OCA2: variants seen among roughly 807,000 people sequenced by gnomAD.
The protein encoded by OCA2 is OCA2 melanosomal transmembrane protein, also known as P protein.
A neutral mutation model predicts 100.2 loss-of-function variants in OCA2; 77 were observed. That is an observed-to-expected ratio of 0.77 (90% CI 0.64 to 0.93). OCA2 has a LOEUF of 0.93. OCA2 is among the 40% of genes least tolerant of loss of function. OCA2 has a pLI of 0.00. For synonymous variants in OCA2, 432 were observed against 439.2 expected, an observed-to-expected ratio of 0.98 and a Z score of 0.21; for missense variants, 1,062 against 1,089.1, an observed-to-expected ratio of 0.98 and a Z score of 0.35.
At chr15:27,896,176 C>T (rs2037680143) in intron 19 of OCA2, 2 of 919,040 alleles carry the variant, frequency 2.2e-6, no homozygotes, top group Non-Finnish European at 3.6e-6. Context: ...GTTTTTGGTG[C>T]CCTGAAGAGA....
At chr15:27,917,982 G>C (rs775670126) in intron 19 of OCA2, among the ~76,000 whole-genome samples, 1 of 151,692 alleles carries the variant, frequency 6.6e-6, no homozygotes, top group Non-Finnish European at 1.5e-5. Flanking sequence ...CCATATTTTA[G>C]ACTACTTAAG....
At chr15:28,046,213 A>G (rs2043343092) in intron 2 of OCA2, among the ~76,000 whole-genome samples, 1 of 152,186 alleles carries the variant, frequency 6.6e-6, no homozygotes, top group Non-Finnish European at 1.5e-5. Context: ...CAGTCAGGAT[A>G]CCAGAAGGAA....
At position 27,953,785 on chromosome 15, in the gene OCA2, G is replaced by A. The variant is rs1206657569; in HGVS notation, c.1842+1373C>T. ...CTTTTTCTTATTTCAATAGGTTTCA[G>A]GAAGACAGGTGATGTTTGGTTATAT... On this transcript the variant is annotated intron_variant, in intron 17 of 23. Transcript: ENST00000354638. Among the ~76,000 whole-genome samples the A allele has an allele frequency of 2.0e-5, 3 of 151,498 alleles. No homozygotes were observed. In the South Asian group the frequency reaches 6.3e-4, roughly 32 times the overall value.
In OCA2 at chr15:27,871,844, A is replaced by T. The variant is rs1432068214; in HGVS notation, c.2139+19T>A. 5.3e-6 allele frequency: 8 copies of T among 1,519,572 alleles called. No homozygotes were observed. The highest frequency in any genetic ancestry group is 3.7e-6 in the Non-Finnish European group (4 of 1,095,752). The allele number at this position is 1,519,572 out of a possible 1,614,324, so 94.1% of individuals were successfully genotyped here. On this transcript the variant is annotated intron_variant, in intron 20 of 23. Transcript: ENST00000354638. ...AAGAACAGTGGCTGGAGTGCCTTCTATTATAGCATTTATTTTACCTTTATT... is the reference window on the plus strand; with the variant it reads ...AAGAACAGTGGCTGGAGTGCCTTCTTTTATAGCATTTATTTTACCTTTATT...
At chr15:28,058,797 T>G (rs188943866) in intron 2 of OCA2, among the ~76,000 whole-genome samples, 30 of 152,312 alleles carry the variant, frequency 2.0e-4, no homozygotes, top group African/African-American at 7.0e-4. Flanking sequence ...CAAGTGGGAC[T>G]AGAAGAGGTA....
intron 21 of OCA2, among the ~76,000 whole-genome samples, chr15:27,866,264 C>T (rs1478713052): frequency 6.6e-6 from 1 of 152,190 alleles, no homozygotes; most frequent in Admixed American, 6.5e-5. Flanking sequence ...TGGCAAAGAA[C>T]AGCACTGTCA....
the OCA2 span, among the ~76,000 whole-genome samples, chr15:27,742,774 C>T: frequency 6.6e-6 from 1 of 152,186 alleles, no homozygotes; most frequent in Non-Finnish European, 1.5e-5. Context: ...ATGCGTTAGT[C>T]CACACACAGC....
At chr15:27,913,881 A>AAGAAAGAAAG (rs1167932139) in intron 19 of OCA2, among the ~76,000 whole-genome samples, 1 of 57,710 alleles carries the variant, frequency 1.7e-5, no homozygotes, top group African/African-American at 8.2e-5. Context: ...GAAAGAAAGA[A>AAGAAAGAAAG]AGAAAGAAAG....
intron 23 of OCA2, among the ~76,000 whole-genome samples, chr15:27,763,455 T>TA (rs1566942359): frequency 6.6e-6 from 1 of 152,068 alleles, no homozygotes. Flanking sequence ...GTACAAACAC[T>TA]AAAAAATCCA....
intron 23 of OCA2, among the ~76,000 whole-genome samples, chr15:27,773,110 A>C (rs2031987191): frequency 6.6e-6 from 1 of 152,174 alleles, no homozygotes; most frequent in Admixed American, 6.5e-5. Flanking sequence ...GTATTATTTA[A>C]GTTGTATTAG....
intron 18 of OCA2, among the ~76,000 whole-genome samples, chr15:27,935,726 T>G (rs1237997466): frequency 6.6e-6 from 1 of 152,240 alleles, no homozygotes; most frequent in Non-Finnish European, 1.5e-5. Context: ...ACAGATCTGG[T>G]TTATTTATTT....
At chr15:27,731,433 T>C in the OCA2 span, among the ~76,000 whole-genome samples, 850 of 152,362 alleles carry the variant, frequency 5.6e-3, 10 homozygotes, top group African/African-American at 0.02. Flanking sequence ...ATGTTGATGG[T>C]ATTTTGTTTT....
chr15:27,722,214 C>T, the OCA2 span, among the ~76,000 whole-genome samples: 1,225 of 152,276 alleles, frequency 8.0e-3, 17 homozygotes, highest in African/African-American at 0.028. Context: ...TAGACCGGGT[C>T]GTGTATTCTA....
chr15:27,800,035 A>G (rs1382034537), intron 23 of OCA2, among the ~76,000 whole-genome samples: 1 of 152,244 alleles, frequency 6.6e-6, no homozygotes, highest in African/African-American at 2.4e-5. Context: ...TAAATTAGAT[A>G]TTAATAGCAG....
intron 19 of OCA2, among the ~76,000 whole-genome samples, chr15:27,872,628 C>T (rs538831652): frequency 2.6e-5 from 4 of 152,184 alleles, no homozygotes; most frequent in South Asian, 4.2e-4. Context: ...GATTCCATCG[C>T]GCTGAAAGAC....
In OCA2 at chr15:28,034,216, C is replaced by T. The variant is rs377035615; in HGVS notation, c.228-2053G>A. 7.8e-4 allele frequency among the ~76,000 whole-genome samples: 119 copies of T among 152,182 alleles called. 4 individuals carry two copies. The South Asian group carries it at 0.024, about 31-fold the overall frequency. Reference sequence around the variant, plus strand: ...CTGAGGTGGGAGAATCACTTGAGGCCAGGAGGTCAAGGCTGCAGTGAGCTA... The same window carrying T: ...CTGAGGTGGGAGAATCACTTGAGGCTAGGAGGTCAAGGCTGCAGTGAGCTA... On this transcript the variant is annotated intron_variant, in intron 2 of 23. Transcript: ENST00000354638.
chr15:28,005,685 A>G (rs540237112), intron 9 of OCA2, among the ~76,000 whole-genome samples: 2 of 152,150 alleles, frequency 1.3e-5, no homozygotes, highest in South Asian at 4.2e-4. Flanking sequence ...GTAAAGACCC[A>G]CTGAGCTCAC....
At position 27,959,107 on chromosome 15, in the gene OCA2, G is replaced by C. The variant is rs561832163; in HGVS notation, c.1637-1372C>G. Among the ~76,000 whole-genome samples the C allele has an allele frequency of 1.2e-4, 19 of 152,342 alleles. No individual in the cohort carries two copies. In the South Asian group the frequency reaches 3.5e-3, roughly 28 times the overall value. Reference sequence around the variant, plus strand: ...TGTCATGACTCAGAGAGAATGCGCAGAGCCTGGGAGCACCAGAACTATTTC... The same window carrying C: ...TGTCATGACTCAGAGAGAATGCGCACAGCCTGGGAGCACCAGAACTATTTC... On this transcript the variant is annotated intron_variant, in intron 15 of 23. Transcript: ENST00000354638.
intron 19 of OCA2, among the ~76,000 whole-genome samples, chr15:27,875,413 T>G (rs2036748631): frequency 6.6e-6 from 1 of 152,152 alleles, no homozygotes; most frequent in African/African-American, 2.4e-5. Flanking sequence ...ACTATAACTT[T>G]GTAGTAGGTC....
Sources: gnomAD v4.1 joint callset for allele counts (sites outside exome capture counted in the v4.1 genomes callset) on GRCh38, gnomAD v4.1.1 for gene constraint, MANE v1.5 for transcripts, NCBI Gene and HGNC (gene_info 2026-07-23, HGNC 2026-07-21) for gene names.